Variants in TPM3 observed in about 807,000 individuals in gnomAD.
The protein encoded by TPM3 is tropomyosin 3.
TPM3 carries 16 observed loss-of-function variants against 43.1 expected under a neutral mutation model. That is an observed-to-expected ratio of 0.37 (90% CI 0.25 to 0.56). The LOEUF (loss-of-function observed/expected upper bound fraction) is 0.56, where lower values mean the gene tolerates loss of function less well. TPM3 is among the 20% of genes least tolerant of loss of function. TPM3 has a pLI of 0.77. For missense variants in TPM3, 176 were observed against 337.2 expected (o/e 0.52, Z 3.74); for synonymous variants, 101 against 116.9 (o/e 0.86, Z 0.88).
rs924615885 is a variant in TPM3 at position 154,162,908 on chromosome 1, T to C, written c.*5029A>G. The stretch of plus-strand genomic sequence containing the variant: ...TCCCAATCTCCCTCTTATTTCCTTC[T>C]TTTTTTTCTCTCCTGCCTCAGCCTC... On this transcript the variant is annotated 3_prime_UTR_variant, in exon 10 of 10. Coordinates refer to ENST00000651641, the MANE Select transcript of TPM3 (RefSeq NM_152263.4). Among the ~76,000 whole-genome samples the C allele has an allele frequency of 6.6e-6, 1 of 152,058 alleles. No homozygotes were observed. The highest frequency in any genetic ancestry group is 2.4e-5 in the African/African-American group (1 of 41,390).
In TPM3 at chr1:154,167,309, A is replaced by T; in HGVS notation, c.*628T>A. 5 of 985,184 alleles carry T rather than the reference A, an allele frequency of 5.1e-6. No homozygotes were observed. The highest frequency in any genetic ancestry group is 6.0e-6 in the Non-Finnish European group (5 of 829,774). The allele number at this position is 985,184 out of a possible 1,614,324, so 61.0% of individuals were successfully genotyped here. A position where few individuals can be genotyped will look rare whatever the true frequency, so the allele number is the denominator to read the frequency against. On this transcript the variant is annotated 3_prime_UTR_variant, in exon 10 of 10. Transcript: ENST00000651641. ...GACATAATTAGTCAATCTTAGCAAT[A>T]ATGTATTGGGTTCACTGGGTGTTCT...
chr1:154,167,405 C>A lies in TPM3; in HGVS notation c.*532G>T. On this transcript the variant is annotated 3_prime_UTR_variant, in exon 10 of 10. Coordinates refer to ENST00000651641, the MANE Select transcript of TPM3 (RefSeq NM_152263.4). ...ATTGAGAGTCACTTCAATGGCTTCT[C>A]AATGACACCACACCAAAGGAGGAAT... 1 of 1,065,226 alleles carries A rather than the reference C, an allele frequency of 9.4e-7. No homozygotes were observed. The highest frequency in any genetic ancestry group is 1.1e-6 in the Non-Finnish European group (1 of 878,682). The allele number at this position is 1,065,226 out of a possible 1,614,324, so 66.0% of individuals were successfully genotyped here.
intron 3 of TPM3, among the ~76,000 whole-genome samples, chr1:154,175,204 A>G (rs916553133): frequency 4.0e-5 from 6 of 151,812 alleles, no homozygotes; most frequent in Admixed American, 1.3e-4. Context: ...GGTGGCGGAC[A>G]CCTGTAGTCC....
rs759157695 is a variant in TPM3 at position 154,172,126 on chromosome 1, A to G, written c.567-638T>C. On this transcript the variant is annotated intron_variant, in intron 5 of 9. Coordinates refer to ENST00000651641, the MANE Select transcript of TPM3 (RefSeq NM_152263.4). ...ACGGCTGTTAGTGATAGTCACGGGG[A>G]TGGCACAAGCCAGGTTGTGGGGAGG... 2.5e-6 allele frequency: 4 copies of G among 1,613,742 alleles called. No individual in the cohort carries two copies. The East Asian group carries it at 8.9e-5, about 36-fold the overall frequency.
intron 2 of TPM3, chr1:154,183,298 A>G (rs906515430): frequency 2.0e-6 from 3 of 1,493,630 alleles, no homozygotes; most frequent in Non-Finnish European, 1.8e-6. Flanking sequence ...AAGGCAGTCC[A>G]CTGGAGGGAG....
intron 7 of TPM3, 65 bp downstream of exon 7, chr1:154,170,584 C>A: frequency 6.3e-7 from 1 of 1,592,016 alleles, no homozygotes; most frequent in Admixed American, 1.7e-5. Flanking sequence ...CAGTTTAAAT[C>A]CATATTAATG....
In TPM3 at chr1:154,185,659, G is replaced by A. The variant is rs144885943; in HGVS notation, c.243+5527C>T. Among the ~76,000 whole-genome samples, 1,081 of 150,346 alleles carry A rather than the reference G, an allele frequency of 7.2e-3. 63 individuals carry two copies. Among genetic ancestry groups the A allele is most frequent in the African/African-American group, 0.026 (1,028 of 40,166 alleles). On this transcript the variant is annotated intron_variant, in intron 2 of 9. Coordinates refer to ENST00000651641, the MANE Select transcript of TPM3 (RefSeq NM_152263.4). The stretch of plus-strand genomic sequence containing the variant: ...CAGAAGGCAGAAGTTGCAGTGAGCC[G>A]AGATCGCGCCACTGCACTCCAGCCT...
intron 2 of TPM3, among the ~76,000 whole-genome samples, chr1:154,177,524 C>T (rs776762851): frequency 2.0e-5 from 3 of 152,104 alleles, no homozygotes; most frequent in Non-Finnish European, 4.4e-5. Flanking sequence ...TCCATGACTG[C>T]CTCCCCGCTA....
In TPM3 at chr1:154,192,004, G is replaced by A; in HGVS notation, c.15C>T (p.Ile5=). MMEA[I]KKKMQMLKLD... is the part of the protein sequence containing the mutation. ...ACTTCAGCATCTGCATCTTTTTCTT[G>A]ATGGCCTCCATCATGAGCAGTGGCT... is the stretch of plus-strand genomic sequence containing the variant. Residue 5 remains isoleucine (I), a synonymous_variant, in exon 1 of 10, where the codon ATC becomes ATT. Coordinates refer to ENST00000651641, the MANE Select transcript of TPM3 (RefSeq NM_152263.4). 6.2e-7 allele frequency: 1 copy of A among 1,613,628 alleles called. No individual in the cohort carries two copies. Among genetic ancestry groups the A allele is most frequent in the Non-Finnish European group, 8.5e-7 (1 of 1,179,958 alleles).
chr1:154,172,560 AC>A (rs1164109251), intron 5 of TPM3: 4 of 458,364 alleles, frequency 8.7e-6, no homozygotes, highest in African/African-American at 8.0e-5. Flanking sequence ...ACCCAGCCAG[AC>A]ACTAGATCTT....
chr1:154,184,016 C>T (rs577907923), intron 2 of TPM3, among the ~76,000 whole-genome samples: 1 of 151,842 alleles, frequency 6.6e-6, no homozygotes, highest in South Asian at 2.1e-4. Flanking sequence ...CACGCCACCC[C>T]GTCAGGCTCC....
rs367548433 is a variant in TPM3 at position 154,173,214 on chromosome 1, G to A, written c.378-13C>T. On this transcript the variant is annotated splice_polypyrimidine_tract_variant and intron_variant, in intron 3 of 9. Transcript: ENST00000651641. ...AACCTTCATACCTCTGCCAGAAATA[G>A]GACAAAAGCAATACTGACACCCTGA... 1.6e-5 allele frequency: 26 copies of A among 1,609,790 alleles called. No homozygotes were observed. The highest frequency in any genetic ancestry group is 2.2e-5 in the Non-Finnish European group (26 of 1,176,978).
chr1:154,191,804 G>A, intron 1 of TPM3, 98 bp downstream of exon 1: 1 of 1,576,644 alleles, frequency 6.3e-7, no homozygotes, highest in Non-Finnish European at 8.6e-7. Context: ...CCCCAAAAAG[G>A]AGGTGACACC....
At chr1:154,185,129 TGGGAGGCCACGGCG>T (rs1663349174) in intron 2 of TPM3, among the ~76,000 whole-genome samples, 2 of 152,068 alleles carry the variant, frequency 1.3e-5, no homozygotes, top group Admixed American at 1.3e-4. Context: ...CCCAGCACTT[TGGGAGGCCACGGCG>T]GGCAGATCAC....
downstream of TPM3, among the ~76,000 whole-genome samples, chr1:154,160,208 T>C (rs567069301): frequency 6.6e-6 from 1 of 152,316 alleles, no homozygotes; most frequent in African/African-American, 2.4e-5. Flanking sequence ...CTTCCTGGTA[T>C]ACTCCTAGTA....
intron 8 of TPM3, chr1:154,170,136 C>A: frequency 4.2e-6 from 2 of 476,696 alleles, no homozygotes; most frequent in South Asian, 2.2e-5. Context: ...GAGGTAAATG[C>A]AGCCATTATC....
intron 2 of TPM3, among the ~76,000 whole-genome samples, chr1:154,181,146 TAAG>T (rs1249504388): frequency 2.0e-5 from 3 of 152,186 alleles, no homozygotes; most frequent in South Asian, 4.1e-4. Context: ...GCACAGATAA[TAAG>T]AAGTTGTTGG....
downstream of TPM3, chr1:154,156,231 C>A (rs1457431955): frequency 5.6e-6 from 1 of 177,754 alleles, no homozygotes; most frequent in African/African-American, 2.4e-5. Flanking sequence ...AACTTCATCT[C>A]AAAAATAATA....
chr1:154,164,105 C>G lies in TPM3; in HGVS notation c.*3832G>C, dbSNP rs764267651. ...AGATTGTCAGCCGTATCTTCTTTCC[C>G]TTCCCCCAGCTCCCCAAACCAGGAC... On this transcript the variant is annotated 3_prime_UTR_variant, in exon 10 of 10. Coordinates refer to ENST00000651641, the MANE Select transcript of TPM3 (RefSeq NM_152263.4). Among the ~76,000 whole-genome samples the G allele has an allele frequency of 6.6e-6, 1 of 152,076 alleles. No individual in the cohort carries two copies. The highest frequency in any genetic ancestry group is 1.5e-5 in the Non-Finnish European group (1 of 68,018).
Sources: allele counts gnomAD v4.1 joint callset (sites outside exome capture counted in the v4.1 genomes callset), GRCh38; gene constraint gnomAD v4.1.1; transcripts MANE v1.5; gene names NCBI Gene and HGNC (gene_info 2026-07-23, HGNC 2026-07-21).